FLRT1: variants seen among roughly 807,000 people sequenced by gnomAD.
FLRT1 encodes fibronectin leucine rich transmembrane protein 1.
Under a neutral mutation model 30.9 loss-of-function variants are expected in FLRT1, and 14 were observed. That is an observed-to-expected ratio of 0.45 (90% CI 0.30 to 0.71). The LOEUF is 0.71. FLRT1 is among the 30% of genes least tolerant of loss of function. The pLI is 0.08. For missense variants in FLRT1, 737 were observed against 949.2 expected, an observed-to-expected ratio of 0.78 and a Z score of 2.94; for synonymous variants, 368 against 430.4, an observed-to-expected ratio of 0.85 and a Z score of 1.80.
At chr11:64,049,909 C>T (rs745935990) in intron 1 of FLRT1, among the ~76,000 whole-genome samples, 6 of 152,238 alleles carry the variant, frequency 3.9e-5, no homozygotes, top group Non-Finnish European at 8.8e-5. Flanking sequence ...CAGACCAAGA[C>T]GCTGTGGCCC....
Position 64,051,114 on chromosome 11 carries a change from G to T in FLRT1, c.-1038+14955G>T, listed in dbSNP as rs1943685853. Among the ~76,000 whole-genome samples the T allele has an allele frequency of 3.3e-5, 5 of 152,222 alleles. No individual in the cohort carries two copies. In the South Asian group the frequency reaches 8.3e-4, roughly 25 times the overall value. On this transcript the variant is annotated intron_variant, in intron 1 of 2. Transcript: ENST00000682287. The stretch of plus-strand genomic sequence containing the variant: ...CACTCCATGGATGCTGCCTGTGGGT[G>T]CAGCCCCCAAAGCCCCAGGTTTGAG...
rs770159437 is a variant in FLRT1 at position 64,117,405 on chromosome 11, G to A, written c.1138G>A (p.Glu380Lys). ...TACCAGCGAGATGGACGAGTGTTTT[G>A]AGACGGGGCCGCAGGGCGGCGTGGC... ...DITSEMDECF[E>K]TGPQGGVANA... Residue 380 changes from glutamate to lysine, a missense_variant, in exon 3 of 3, where the codon GAG becomes AAG. Physicochemically the swap from Glu to Lys is moderately conservative, Grantham distance 56. Transcript: ENST00000682287. 7 of 1,612,168 alleles carry A rather than the reference G, an allele frequency of 4.3e-6. No individual in the cohort carries two copies. In the Admixed American group the frequency reaches 1.2e-4, roughly 27 times the overall value.
intron 1 of FLRT1, among the ~76,000 whole-genome samples, chr11:64,065,594 C>T (rs1415553229): frequency 3.3e-5 from 5 of 151,002 alleles, no homozygotes; most frequent in Non-Finnish European, 7.4e-5. Context: ...TCAAGACCAT[C>T]CTGGCTAACA....
chr11:64,060,219 C>A (rs1014415071), intron 1 of FLRT1, among the ~76,000 whole-genome samples: 4 of 152,386 alleles, frequency 2.6e-5, no homozygotes, highest in African/African-American at 9.6e-5. Flanking sequence ...GCCCACATTT[C>A]AAGCGGCCTG....
At chr11:64,072,421 T>C (rs937727290) in intron 1 of FLRT1, among the ~76,000 whole-genome samples, 3 of 144,118 alleles carry the variant, frequency 2.1e-5, no homozygotes, top group Non-Finnish European at 4.8e-5. Context: ...ATCCGGCTCA[T>C]TTAAAAAAAA....
chr11:64,113,824 A>G (rs1944909768), intron 2 of FLRT1, among the ~76,000 whole-genome samples: 1 of 140,774 alleles, frequency 7.1e-6, no homozygotes, highest in Non-Finnish European at 1.5e-5. Flanking sequence ...AGGTGGACGC[A>G]TGGATGGATG....
chr11:64,053,750 G>A (rs1214268423), intron 1 of FLRT1, among the ~76,000 whole-genome samples: 1 of 152,178 alleles, frequency 6.6e-6, no homozygotes, highest in African/African-American at 2.4e-5. Context: ...TGGGACTGCT[G>A]GGCCTTGGTT....
At chr11:64,088,893 G>T (rs1223421151) in intron 1 of FLRT1, among the ~76,000 whole-genome samples, 1 of 152,130 alleles carries the variant, frequency 6.6e-6, no homozygotes, top group Non-Finnish European at 1.5e-5. Context: ...TTGAAGGTGC[G>T]GTTCACAAAG....
intron 1 of FLRT1, among the ~76,000 whole-genome samples, chr11:64,043,093 GTCCC>G (rs1943519343): frequency 6.6e-6 from 1 of 152,104 alleles, no homozygotes; most frequent in African/African-American, 2.4e-5. Context: ...GACGCCTCAC[GTCCC>G]CTCTCTGTGC....
chr11:64,089,312 T>C (rs554022316), intron 1 of FLRT1, among the ~76,000 whole-genome samples: 183 of 152,276 alleles, frequency 1.2e-3, no homozygotes, highest in African/African-American at 4.0e-3. Flanking sequence ...GGCAGCCAAG[T>C]GTCCCAGTGT....
rs139116047 is a variant in FLRT1 at position 64,099,507 on chromosome 11, C to T, written c.-1037-3687C>T. On this transcript the variant is annotated intron_variant, in intron 1 of 2. Transcript: ENST00000682287. Reference sequence around the variant, plus strand: ...AGAGACGGATGGATGAATGGACAGACGGATAGATGGAGAAATGGATGGATG... The same window carrying T: ...AGAGACGGATGGATGAATGGACAGATGGATAGATGGAGAAATGGATGGATG... Among the ~76,000 whole-genome samples, 123 of 151,374 alleles carry T rather than the reference C, an allele frequency of 8.1e-4. 1 individual carries two copies. Among genetic ancestry groups the T allele is most frequent in the African/African-American group, 2.7e-3 (110 of 41,210 alleles).
chr11:64,055,884 G>A (rs1200333340), intron 1 of FLRT1, among the ~76,000 whole-genome samples: 3 of 152,200 alleles, frequency 2.0e-5, no homozygotes, highest in Admixed American at 2.0e-4. Flanking sequence ...GTCCTTCCAG[G>A]GCTTTTGGCA....
intron 1 of FLRT1, among the ~76,000 whole-genome samples, chr11:64,100,252 A>C (rs1449798233): frequency 2.0e-5 from 3 of 152,178 alleles, no homozygotes; most frequent in African/African-American, 4.8e-5. Flanking sequence ...GCCAAAACGC[A>C]GAGGGTGGTG....
intron 2 of FLRT1, among the ~76,000 whole-genome samples, chr11:64,109,639 G>A (rs142924439): frequency 3.9e-4 from 59 of 152,206 alleles, no homozygotes; most frequent in African/African-American, 1.0e-3. Context: ...TTACCTCCCC[G>A]GACTCCTCCA....
At position 64,065,816 on chromosome 11, in the gene FLRT1, A is replaced by G. The variant is rs752571153; in HGVS notation, c.-1038+29657A>G. ...AAAAAAAAAAAAAAAAAAAAGATGA[A>G]CAAGGAGACTCCCCCTCTCTCCATG... On this transcript the variant is annotated intron_variant, in intron 1 of 2. Transcript: ENST00000682287. Among the ~76,000 whole-genome samples, 136 of 150,688 alleles carry G rather than the reference A, an allele frequency of 9.0e-4. 1 individual carries two copies. Among genetic ancestry groups the G allele is most frequent in the Non-Finnish European group, 1.7e-3 (117 of 67,724 alleles).
At position 64,050,655 on chromosome 11, in the gene FLRT1, G is replaced by A. The variant is rs188681222; in HGVS notation, c.-1038+14496G>A. On this transcript the variant is annotated intron_variant, in intron 1 of 2. Transcript: ENST00000682287. ...CATGGCCCAGCTGACTTTCACTCTT[G>A]TCGCCCAGGCTGGAGTGCAGTGGCG... 2.9e-3 allele frequency among the ~76,000 whole-genome samples: 439 copies of A among 152,366 alleles called. 1 individual carries two copies. Among genetic ancestry groups the A allele is most frequent in the Non-Finnish European group, 5.3e-3 (360 of 68,030 alleles).
chr11:64,107,174 C>A (rs918090648), intron 2 of FLRT1, among the ~76,000 whole-genome samples: 10 of 152,096 alleles, frequency 6.6e-5, no homozygotes, highest in Non-Finnish European at 1.5e-4. Flanking sequence ...AGCCAACTTG[C>A]CCAGCCCACT....
At position 64,075,624 on chromosome 11, in the gene FLRT1, C is replaced by T. The variant is rs1418632686; in HGVS notation, c.-1037-27570C>T. The stretch of plus-strand genomic sequence containing the variant: ...CATCCTGATATGGAGTGACAACCTA[C>T]ACAGCTCTGGCTGAGAAGAAGGGGG... On this transcript the variant is annotated intron_variant, in intron 1 of 2. Coordinates refer to ENST00000682287, the MANE Select transcript of FLRT1 (RefSeq NM_013280.5). Among the ~76,000 whole-genome samples, 4 of 152,224 alleles carry T rather than the reference C, an allele frequency of 2.6e-5. 1 individual carries two copies. In the South Asian group the frequency reaches 6.2e-4, roughly 24 times the overall value.
At chr11:64,066,747 C>A (rs1944013504) in intron 1 of FLRT1, among the ~76,000 whole-genome samples, 1 of 152,198 alleles carries the variant, frequency 6.6e-6, no homozygotes, top group East Asian at 1.9e-4. Context: ...TTCCTTCCTA[C>A]CTTCCAGGCC....
Sources: gnomAD v4.1 joint callset for allele counts (sites outside exome capture counted in the v4.1 genomes callset) on GRCh38, gnomAD v4.1.1 for gene constraint, MANE v1.5 for transcripts, NCBI Gene and HGNC (gene_info 2026-07-23, HGNC 2026-07-21) for gene names.